The following AKR1E2 variants were observed in gnomAD, a reference collection of about 807,000 sequenced individuals.
AKR1E2 encodes 1,5-anhydro-D-fructose reductase.
In AKR1E2, 43 loss-of-function variants were observed where a neutral mutation model predicts 41.9. The observed-to-expected ratio is 1.03, with a 90% CI of 0.80 to 1.32. AKR1E2 has a LOEUF of 1.32. Ranked by LOEUF, AKR1E2 falls within the 40% of genes most tolerant of loss-of-function variation. AKR1E2 has a pLI of 0.00. For missense variants in AKR1E2, 423 were observed against 396.5 expected (o/e 1.07, Z -0.57); for synonymous variants, 121 against 138.9 (o/e 0.87, Z 0.91).
chr10:4,826,453 G>A, intron 1 of AKR1E2, 90 bp downstream of exon 1: 1 of 1,147,330 alleles, frequency 8.7e-7, no homozygotes, highest in Non-Finnish European at 1.1e-6. Flanking sequence ...GGGCTGGGGA[G>A]AAGTGCGGCG....
At chr10:4,857,679 A>C in the AKR1E2 span, among the ~76,000 whole-genome samples, 1 of 152,192 alleles carries the variant, frequency 6.6e-6, no homozygotes, top group Non-Finnish European at 1.5e-5. Flanking sequence ...CAGAAATTAA[A>C]AATAAAAATA....
chr10:4,864,381 G>T, the AKR1E2 span, among the ~76,000 whole-genome samples: 1 of 152,084 alleles, frequency 6.6e-6, no homozygotes, highest in East Asian at 1.9e-4. Flanking sequence ...CTCAATAGAT[G>T]CAGAAAAGGC....
rs2924272 is a variant in AKR1E2 at position 4,830,381 on chromosome 10, G to A, written c.40-294G>A. Reference sequence around the variant, plus strand: ...TTGCATCTCAGTTATTATTCATTCTGTACTTTTTTATTGCTTTGATCATTC... The same window carrying A: ...TTGCATCTCAGTTATTATTCATTCTATACTTTTTTATTGCTTTGATCATTC... On this transcript the variant is annotated intron_variant, in intron 1 of 9. Transcript: ENST00000298375. 0.99 allele frequency among the ~76,000 whole-genome samples: 150,339 copies of A among 152,314 alleles called. 74,229 individuals carry two copies. Among genetic ancestry groups the A allele is most frequent in the East Asian group, 1 (5,184 of 5,184 alleles).
chr10:4,852,356 T>G (rs1371372562), downstream of AKR1E2, among the ~76,000 whole-genome samples: 2 of 152,210 alleles, frequency 1.3e-5, no homozygotes, highest in Non-Finnish European at 2.9e-5. Flanking sequence ...GCTCCTTCTC[T>G]TGTCAAGATA....
At chr10:4,850,320 TCTC>T (rs1214660193), downstream of AKR1E2, among the ~76,000 whole-genome samples, 9 of 152,190 alleles carry the variant, frequency 5.9e-5, no homozygotes, top group African/African-American at 2.2e-4. Context: ...AGTAGCTGCT[TCTC>T]CTCATTGGCA....
chr10:4,853,889 C>A, the AKR1E2 span, among the ~76,000 whole-genome samples: 1 of 152,164 alleles, frequency 6.6e-6, no homozygotes, highest in Non-Finnish European at 1.5e-5. Context: ...AGAGTGACCT[C>A]TGGTCGTCCT....
intron 8 of AKR1E2, among the ~76,000 whole-genome samples, chr10:4,843,948 T>C (rs1273744829): frequency 6.6e-6 from 1 of 152,182 alleles, no homozygotes; most frequent in African/African-American, 2.4e-5. Context: ...TTCTCTCCAA[T>C]GGCTGCTGAC....
chr10:4,831,185 G>A (rs1244412873), intron 2 of AKR1E2, among the ~76,000 whole-genome samples: 1 of 152,166 alleles, frequency 6.6e-6, no homozygotes, highest in Non-Finnish European at 1.5e-5. Flanking sequence ...AATCACTGGG[G>A]TGATTGTTAA....
In AKR1E2 at chr10:4,839,835, A is replaced by T. The variant is rs1564268832; in HGVS notation, c.680+9A>T. On this transcript the variant is annotated intron_variant, in intron 6 of 9. Transcript: ENST00000298375. ...CCTCTTGGTGGCTCGTGGTAAGGAT[A>T]CCTCAGTGGTGTGTTAGTCAGAGTC... is the stretch of plus-strand genomic sequence containing the variant. 1 of 1,611,168 alleles carries T rather than the reference A, an allele frequency of 6.2e-7. No homozygotes were observed. The highest frequency in any genetic ancestry group is 8.5e-7 in the Non-Finnish European group (1 of 1,177,462).
At chr10:4,844,250 C>G (rs1194115673) in intron 8 of AKR1E2, among the ~76,000 whole-genome samples, 1 of 152,026 alleles carries the variant, frequency 6.6e-6, no homozygotes, top group South Asian at 2.1e-4. Context: ...AGTGTTACAG[C>G]TCTTAAGGTG....
chr10:4,845,963 A>C (rs955000895), intron 8 of AKR1E2: 7 of 432,620 alleles, frequency 1.6e-5, no homozygotes, highest in Admixed American at 1.5e-4. Context: ...CACAAGACTC[A>C]CCAGGGAGGA....
At chr10:4,873,123 A>T in the AKR1E2 span, among the ~76,000 whole-genome samples, 4 of 152,102 alleles carry the variant, frequency 2.6e-5, no homozygotes. Context: ...TGGTTGAATT[A>T]TGAGGGTGGG....
At chr10:4,871,377 T>TA in the AKR1E2 span, among the ~76,000 whole-genome samples, 1 of 152,176 alleles carries the variant, frequency 6.6e-6, no homozygotes, top group Non-Finnish European at 1.5e-5. Flanking sequence ...AAGTAACTTT[T>TA]AAAATTAAAA....
rs755944989 is a variant in AKR1E2 at position 4,841,787 on chromosome 10, AG to A, written c.688del (p.Val230LeufsTer3). 1.2e-6 allele frequency: 2 copies of A among 1,611,420 alleles called. No homozygotes were observed. The highest frequency in any genetic ancestry group is 1.7e-6 in the Non-Finnish European group (2 of 1,178,598). On this transcript the variant is annotated frameshift_variant, in exon 7 of 10. Transcript: ENST00000298375. LOFTEE classifies it high-confidence loss of function. ...TCCCCTGTACTGTGTCTCTCTAGTG[AG>A]GGGGTTGACCTGATAGACAACCCTG... ...TAYRPLGGSC[E>X]GVDLIDNPVI...
intron 1 of AKR1E2, among the ~76,000 whole-genome samples, chr10:4,829,755 T>C (rs937530491): frequency 6.6e-6 from 1 of 152,204 alleles, no homozygotes; most frequent in Non-Finnish European, 1.5e-5. Flanking sequence ...CTGCATGTTT[T>C]ACTGTCCATT....
chr10:4,856,477 A>G, the AKR1E2 span, among the ~76,000 whole-genome samples: 2 of 152,226 alleles, frequency 1.3e-5, no homozygotes, highest in Non-Finnish European at 2.9e-5. Context: ...GTCAAAGTGA[A>G]TACGATTGGA....
Position 4,848,030 on chromosome 10 carries a change from G to C in AKR1E2, c.*500G>C, listed in dbSNP as rs1834448656. ...GGGATAAGTCTGGGACACTGTTTCAGTTCAATAAAGAGGCTTTTTTCTTCC... is the reference window on the plus strand; with the variant it reads ...GGGATAAGTCTGGGACACTGTTTCACTTCAATAAAGAGGCTTTTTTCTTCC... On this transcript the variant is annotated 3_prime_UTR_variant, in exon 10 of 10. Transcript: ENST00000298375. The C allele has an allele frequency of 6.6e-6, 1 of 151,630 alleles. No individual in the cohort carries two copies. Among genetic ancestry groups the C allele is most frequent in the Non-Finnish European group, 1.5e-5 (1 of 68,306 alleles). 9.4% of individuals were successfully genotyped at this position (151,630 alleles called of 1,614,324 possible). A position where few individuals can be genotyped will look rare whatever the true frequency, so the allele number is the denominator to read the frequency against.
intron 4 of AKR1E2, 95 bp from the exon 5 acceptor site, chr10:4,837,364 A>C (rs1012443240): frequency 3.7e-5 from 54 of 1,460,122 alleles, no homozygotes; most frequent in Admixed American, 2.7e-4. Flanking sequence ...ATTGGGTCCA[A>C]CCAGTTTTAG....
chr10:4,847,128 A>G lies in AKR1E2; in HGVS notation c.838-20A>G, dbSNP rs758880500. 14 of 1,613,790 alleles carry G rather than the reference A, an allele frequency of 8.7e-6. No homozygotes were observed. The highest frequency in any genetic ancestry group is 4.4e-5 in the South Asian group (4 of 90,934). On this transcript the variant is annotated intron_variant, in intron 8 of 9. Coordinates refer to ENST00000298375, the MANE Select transcript of AKR1E2 (RefSeq NM_001040177.3). ...GTGAATTAAACTAAGTTTTCTACAA[A>G]CATTGTGTTTTGGTTCCAGGTGTTT...
Sources: gnomAD v4.1 joint callset for allele counts (sites outside exome capture counted in the v4.1 genomes callset) on GRCh38, gnomAD v4.1.1 for gene constraint, MANE v1.5 for transcripts, NCBI Gene and HGNC (gene_info 2026-07-23, HGNC 2026-07-21) for gene names.